CYP19A1: variants seen among roughly 807,000 people sequenced by gnomAD.
CYP19A1 encodes the protein cytochrome P450 family 19 subfamily A member 1.
A neutral mutation model predicts 44.4 loss-of-function variants in CYP19A1; 32 were observed. The ratio of observed to expected loss-of-function variants is 0.72; its 90% CI spans 0.54 to 0.97. The LOEUF (loss-of-function observed/expected upper bound fraction) is 0.97, where lower values mean the gene tolerates loss of function less well. Ranked by LOEUF, CYP19A1 falls within the 50% of genes least tolerant of loss-of-function variation. The pLI is 0.00. For synonymous variants in CYP19A1, 212 were observed against 215.6 expected (o/e 0.98, Z 0.14); for missense variants, 598 against 637.8 (o/e 0.94, Z 0.67).
At chr15:51,264,279 T>C (rs1035204062) in intron 1 of CYP19A1, among the ~76,000 whole-genome samples, 1 of 152,006 alleles carries the variant, frequency 6.6e-6, no homozygotes, top group Non-Finnish European at 1.5e-5. Flanking sequence ...AAAGGGCAAA[T>C]AACATCACTG....
chr15:51,299,411 C>T (rs1351193240), intron 1 of CYP19A1, among the ~76,000 whole-genome samples: 1 of 152,194 alleles, frequency 6.6e-6, no homozygotes, highest in Admixed American at 6.5e-5. Flanking sequence ...CCAGGATCAT[C>T]CAATAATTTT....
At chr15:51,285,764 A>G (rs978451809) in intron 1 of CYP19A1, among the ~76,000 whole-genome samples, 24 of 152,188 alleles carry the variant, frequency 1.6e-4, no homozygotes, top group African/African-American at 5.3e-4. Flanking sequence ...TTGATCGCCA[A>G]TAAATAGTCT....
intron 1 of CYP19A1, among the ~76,000 whole-genome samples, chr15:51,281,337 G>C (rs1036953266): frequency 6.6e-6 from 1 of 152,160 alleles, no homozygotes; most frequent in Non-Finnish European, 1.5e-5. Context: ...CAGATGTTTG[G>C]GTCACTCTCT....
chr15:51,291,154 T>C (rs753965095), intron 1 of CYP19A1, among the ~76,000 whole-genome samples: 44 of 152,170 alleles, frequency 2.9e-4, no homozygotes, highest in Non-Finnish European at 5.9e-4. Flanking sequence ...GGTATGGAAC[T>C]GAGAGTGGGG....
chr15:51,330,976 A>T (rs1277865534), intron 1 of CYP19A1, among the ~76,000 whole-genome samples: 1 of 152,102 alleles, frequency 6.6e-6, no homozygotes, highest in Non-Finnish European at 1.5e-5. Context: ...TGAATGAGGG[A>T]TGAGGAAGCG....
At chr15:51,252,721 G>A (rs943833719) in intron 1 of CYP19A1, among the ~76,000 whole-genome samples, 8 of 152,238 alleles carry the variant, frequency 5.3e-5, no homozygotes, top group South Asian at 2.1e-4. Context: ...CGGAGTGTGC[G>A]CCTGTGGAGG....
In CYP19A1 at chr15:51,227,948, A is replaced by G. The variant is rs1180403668; in HGVS notation, c.297-15T>C. 3 of 1,512,854 alleles carry G rather than the reference A, an allele frequency of 2.0e-6. No individual in the cohort carries two copies. The highest frequency in any genetic ancestry group is 2.8e-6 in the Non-Finnish European group (3 of 1,087,638). 93.7% of individuals were successfully genotyped at this position (1,512,854 alleles called of 1,614,324 possible). A position where few individuals can be genotyped will look rare whatever the true frequency, so the allele number is the denominator to read the frequency against. ...TACTTGAGGACCTGAAAAGACAGGA[A>G]ACTTTGGTGTCAATTTTTAAGGGTC... On this transcript the variant is annotated splice_polypyrimidine_tract_variant and intron_variant, in intron 3 of 9. Coordinates refer to ENST00000396402, the MANE Select transcript of CYP19A1 (RefSeq NM_000103.4).
chr15:51,317,455 T>G (rs758008208), intron 1 of CYP19A1, among the ~76,000 whole-genome samples: 2 of 152,180 alleles, frequency 1.3e-5, no homozygotes, highest in African/African-American at 2.4e-5. Flanking sequence ...ATTTTTGTTT[T>G]CCTGCCCCAA....
chr15:51,230,991 C>T (rs1039039620), intron 3 of CYP19A1, among the ~76,000 whole-genome samples: 10 of 152,158 alleles, frequency 6.6e-5, no homozygotes, highest in African/African-American at 2.2e-4. Flanking sequence ...TTTTCACTGT[C>T]CTTCACTTCT....
chr15:51,257,513 C>T (rs997089697), intron 1 of CYP19A1, among the ~76,000 whole-genome samples: 11 of 152,190 alleles, frequency 7.2e-5, no homozygotes, highest in African/African-American at 2.7e-4. Context: ...CCACAAACAG[C>T]CCTAGGAAGG....
intron 1 of CYP19A1, among the ~76,000 whole-genome samples, chr15:51,281,701 G>C (rs1303787164): frequency 6.6e-6 from 1 of 151,930 alleles, no homozygotes; most frequent in Non-Finnish European, 1.5e-5. Flanking sequence ...CTGAAGTAGA[G>C]ATATATGCCA....
At chr15:51,253,214 C>A (rs2034391041) in intron 1 of CYP19A1, among the ~76,000 whole-genome samples, 1 of 152,138 alleles carries the variant, frequency 6.6e-6, no homozygotes, top group African/African-American at 2.4e-5. Context: ...CGAGATAAAG[C>A]CTGTTAGGGC....
chr15:51,224,313 A>T (rs1218390087), intron 4 of CYP19A1, among the ~76,000 whole-genome samples: 1 of 152,228 alleles, frequency 6.6e-6, no homozygotes, highest in Non-Finnish European at 1.5e-5. Context: ...ACCAACAGGG[A>T]GTCTAACTCC....
intron 1 of CYP19A1, among the ~76,000 whole-genome samples, chr15:51,305,942 T>G (rs2036207882): frequency 6.6e-6 from 1 of 152,138 alleles, no homozygotes; most frequent in African/African-American, 2.4e-5. Context: ...GAAGTAAATG[T>G]TGAGGACCGA....
chr15:51,213,839 G>A (rs1319403214), intron 8 of CYP19A1, among the ~76,000 whole-genome samples: 5 of 152,158 alleles, frequency 3.3e-5, no homozygotes, highest in African/African-American at 4.8e-5. Flanking sequence ...CATGAGCCCC[G>A]TGAGTGCAGG....
At position 51,222,465 on chromosome 15, in the gene CYP19A1, T is replaced by G. The variant is rs2032191908; in HGVS notation, c.512A>C (p.His171Pro). The G allele has an allele frequency of 6.2e-7, 1 of 1,614,040 alleles. No individual in the cohort carries two copies. Among genetic ancestry groups the G allele is most frequent in the Admixed American group, 1.7e-5 (1 of 60,018 alleles). ...GGTCACCTCCTCCAACCTGTCCAGA[T>G]GTGTTTTGAGGGATTCAGCACAGAC... Reference protein sequence around the residue: ...VTVCAESLKTHLDRLEEVTNE... With the variant: ...VTVCAESLKTPLDRLEEVTNE... The change falls in exon 5 of 10, where the codon CAT becomes CCT. Residue 171 changes from histidine (H) to proline (P), a missense_variant. By Grantham distance (77) the His-to-Pro change is moderately conservative. Transcript: ENST00000396402.
chr15:51,249,981 G>A (rs1425602536), intron 1 of CYP19A1, among the ~76,000 whole-genome samples: 1 of 152,188 alleles, frequency 6.6e-6, no homozygotes, highest in Admixed American at 6.5e-5. Context: ...GCAGGAGCAA[G>A]ACAATAGGAA....
intron 1 of CYP19A1, among the ~76,000 whole-genome samples, chr15:51,266,037 A>G (rs550392931): frequency 1.8e-4 from 27 of 152,196 alleles, no homozygotes; most frequent in Non-Finnish European, 3.2e-4. Flanking sequence ...CTTCCTTTGC[A>G]CAAAGGTAAA....
chr15:51,272,161 A>AT (rs1490021933), intron 1 of CYP19A1, among the ~76,000 whole-genome samples: 3 of 151,962 alleles, frequency 2.0e-5, no homozygotes, highest in Non-Finnish European at 2.9e-5. Context: ...TCCATCTTCG[A>AT]TTTTTCCCTT....
Sources: gnomAD v4.1 joint callset for allele counts (sites outside exome capture counted in the v4.1 genomes callset) on GRCh38, gnomAD v4.1.1 for gene constraint, MANE v1.5 for transcripts, NCBI Gene and HGNC (gene_info 2026-07-23, HGNC 2026-07-21) for gene names.